The following AKAP7 variants were observed in gnomAD, a reference collection of about 807,000 sequenced individuals.
AKAP7 encodes A-kinase anchoring protein 7, also known as A kinase (PRKA) anchor protein 7.
Under a neutral mutation model 39.5 loss-of-function variants are expected in AKAP7, and 39 were observed. That is an observed-to-expected ratio of 0.99 (90% CI 0.76 to 1.29). The LOEUF (loss-of-function observed/expected upper bound fraction) is 1.29. AKAP7 is among the 50% of genes most tolerant of loss of function. The pLI is 0.00. For missense variants in AKAP7, 414 were observed against 407.7 expected, an observed-to-expected ratio of 1.02 and a Z score of -0.13; for synonymous variants, 140 against 139.1, an observed-to-expected ratio of 1.01 and a Z score of -0.05.
At chr6:131,218,375 A>G (rs1562222067) in intron 6 of AKAP7, among the ~76,000 whole-genome samples, 3 of 152,238 alleles carry the variant, frequency 2.0e-5, no homozygotes, top group East Asian at 3.8e-4. Context: ...TGCTGAAAAT[A>G]TAAAGCTGGT....
chr6:131,171,996 G>A (rs935192831), intron 5 of AKAP7, among the ~76,000 whole-genome samples: 7 of 152,176 alleles, frequency 4.6e-5, no homozygotes, highest in African/African-American at 1.7e-4. Context: ...TGATCAGAGA[G>A]CAGTATATTG....
intron 7 of AKAP7, among the ~76,000 whole-genome samples, chr6:131,273,235 G>T (rs1814441111): frequency 6.6e-6 from 1 of 151,658 alleles, no homozygotes; most frequent in Non-Finnish European, 1.5e-5. Flanking sequence ...GATTTTTTTT[G>T]GTACACATCA....
intron 7 of AKAP7, among the ~76,000 whole-genome samples, chr6:131,261,505 G>GT (rs140236514): frequency 0.014 from 2,119 of 152,040 alleles, 57 homozygotes; most frequent in African/African-American, 0.049. Context: ...AATTAGTTTG[G>GT]TAAATTTAAC....
intron 7 of AKAP7, among the ~76,000 whole-genome samples, chr6:131,249,473 A>G (rs1485640362): frequency 2.0e-5 from 3 of 152,174 alleles, no homozygotes; most frequent in Non-Finnish European, 4.4e-5. Flanking sequence ...TGAGGTGTTC[A>G]GCATCATCCT....
intron 1 of AKAP7, among the ~76,000 whole-genome samples, chr6:131,139,077 G>C (rs1238647869): frequency 1.3e-5 from 2 of 152,168 alleles, no homozygotes; most frequent in African/African-American, 4.8e-5. Context: ...TTTTCCAAAA[G>C]CAAAATATTT....
At chr6:131,127,431 C>T in the AKAP7 span, among the ~76,000 whole-genome samples, 1 of 151,794 alleles carries the variant, frequency 6.6e-6, no homozygotes, top group Non-Finnish European at 1.5e-5. Flanking sequence ...TAAGATACAA[C>T]CAAATAAGTT....
intron 5 of AKAP7, among the ~76,000 whole-genome samples, chr6:131,176,558 T>A (rs1010354764): frequency 2.6e-5 from 4 of 152,184 alleles, no homozygotes; most frequent in African/African-American, 9.6e-5. Flanking sequence ...AAACTTTTTT[T>A]TTTAAATAGA....
At chr6:131,158,572 G>A (rs1238424235) in intron 2 of AKAP7, among the ~76,000 whole-genome samples, 1 of 151,886 alleles carries the variant, frequency 6.6e-6, no homozygotes, top group East Asian at 1.9e-4. Flanking sequence ...CAGTGGCATC[G>A]TCTTGGGTAA....
the AKAP7 span, among the ~76,000 whole-genome samples, chr6:131,127,768 A>C: frequency 6.6e-6 from 1 of 152,340 alleles, no homozygotes; most frequent in Admixed American, 6.5e-5. Flanking sequence ...AAGACATAGA[A>C]TCACCCTAAA....
chr6:131,237,235 C>G (rs1811149710), intron 7 of AKAP7, among the ~76,000 whole-genome samples: 1 of 152,164 alleles, frequency 6.6e-6, no homozygotes, highest in Non-Finnish European at 1.5e-5. Flanking sequence ...TTGAACCAGC[C>G]TTGCATCCCA....
chr6:131,213,269 TG>T (rs1562218388), intron 6 of AKAP7, among the ~76,000 whole-genome samples: 2 of 152,196 alleles, frequency 1.3e-5, no homozygotes, highest in African/African-American at 4.8e-5. Context: ...TTTATACCAG[TG>T]AATTTTTTAT....
At chr6:131,132,407 T>C (rs796636548), upstream of AKAP7, among the ~76,000 whole-genome samples, 10 of 152,292 alleles carry the variant, frequency 6.6e-5, no homozygotes, top group African/African-American at 2.4e-4. Context: ...AAGGTTCACC[T>C]GCAGCACGAC....
intron 1 of AKAP7, among the ~76,000 whole-genome samples, chr6:131,141,547 G>C (rs1297460946): frequency 2.6e-5 from 4 of 152,180 alleles, no homozygotes; most frequent in Non-Finnish European, 5.9e-5. Flanking sequence ...GGGTGTTGCT[G>C]TAAAGATACC....
At chr6:131,171,728 T>C (rs1442310514) in intron 5 of AKAP7, among the ~76,000 whole-genome samples, 1 of 152,146 alleles carries the variant, frequency 6.6e-6, no homozygotes, top group Non-Finnish European at 1.5e-5. Context: ...AAGTACTATG[T>C]AGGATTTAGC....
intron 7 of AKAP7, among the ~76,000 whole-genome samples, chr6:131,228,377 C>T (rs764271450): frequency 2.0e-5 from 3 of 152,072 alleles, no homozygotes; most frequent in Non-Finnish European, 4.4e-5. Flanking sequence ...GGGGCATTGG[C>T]GATAGATATG....
At chr6:131,175,478 C>T (rs1804489431) in intron 5 of AKAP7, among the ~76,000 whole-genome samples, 1 of 152,136 alleles carries the variant, frequency 6.6e-6, no homozygotes. Context: ...ATTTCAGACA[C>T]TACTCTTTGT....
chr6:131,249,327 T>C (rs1029328156), intron 7 of AKAP7, among the ~76,000 whole-genome samples: 11 of 152,216 alleles, frequency 7.2e-5, no homozygotes, highest in Non-Finnish European at 1.0e-4. Context: ...CAGATACTAG[T>C]GTTTGCCAGC....
intron 6 of AKAP7, among the ~76,000 whole-genome samples, chr6:131,212,681 A>C (rs3777476): frequency 0.29 from 43,997 of 151,870 alleles, 6,829 homozygotes; most frequent in Middle Eastern, 0.39. Context: ...TGCAGGGAAT[A>C]CTCCTGGGTA....
chr6:131,173,871 T>C (rs1485529986), intron 5 of AKAP7, among the ~76,000 whole-genome samples: 1 of 152,218 alleles, frequency 6.6e-6, no homozygotes. Flanking sequence ...ACTGGGTGCT[T>C]GCAACATTGA....
Sources: allele counts gnomAD v4.1 joint callset (sites outside exome capture counted in the v4.1 genomes callset), GRCh38; gene constraint gnomAD v4.1.1; transcripts MANE v1.5; gene names NCBI Gene and HGNC (gene_info 2026-07-23, HGNC 2026-07-21).